Variants in UBE2E2 observed in about 807,000 individuals in gnomAD.
UBE2E2 encodes the protein ubiquitin-conjugating enzyme E2 E2.
Under a neutral mutation model 24.7 loss-of-function variants are expected in UBE2E2, and 6 were observed. That is an observed-to-expected ratio of 0.24 (90% CI 0.13 to 0.48). The LOEUF is 0.48. Ranked by LOEUF, UBE2E2 falls within the 20% of genes least tolerant of loss-of-function variation. The probability of loss-of-function intolerance (pLI) is 0.99; values close to 1 mark genes in which losing one functional copy is unlikely to be tolerated. For missense variants in UBE2E2, 169 were observed against 245.0 expected (o/e 0.69, Z 2.07); for synonymous variants, 104 against 83.6 (o/e 1.24, Z -1.33).
intron 3 of UBE2E2, among the ~76,000 whole-genome samples, chr3:23,354,279 A>C (rs1345981891): frequency 6.6e-6 from 1 of 152,202 alleles, no homozygotes; most frequent in Admixed American, 6.5e-5. Context: ...AAAACCATAA[A>C]AACCCTAGAA....
intron 3 of UBE2E2, among the ~76,000 whole-genome samples, chr3:23,361,477 A>C (rs757209920): frequency 2.0e-5 from 3 of 152,236 alleles, no homozygotes; most frequent in Non-Finnish European, 2.9e-5. Flanking sequence ...GTATATAGAC[A>C]CCATGGACTA....
chr3:23,565,059 A>G (rs181880843), intron 5 of UBE2E2, among the ~76,000 whole-genome samples: 2 of 152,248 alleles, frequency 1.3e-5, no homozygotes, highest in East Asian at 1.9e-4. Flanking sequence ...CTCCTTGTCA[A>G]AAAAGTAAAC....
chr3:23,267,019 A>C (rs1007791324), intron 3 of UBE2E2, among the ~76,000 whole-genome samples: 17 of 152,164 alleles, frequency 1.1e-4, no homozygotes, highest in African/African-American at 3.9e-4. Context: ...GAACAAAGAC[A>C]CAACATACCA....
At chr3:23,271,436 C>T (rs1426735323) in intron 3 of UBE2E2, among the ~76,000 whole-genome samples, 1 of 152,164 alleles carries the variant, frequency 6.6e-6, no homozygotes, top group African/African-American at 2.4e-5. Context: ...AGCCAAAGAA[C>T]AAAGCTTCCA....
At chr3:23,271,349 A>G (rs570545247) in intron 3 of UBE2E2, among the ~76,000 whole-genome samples, 1 of 152,268 alleles carries the variant, frequency 6.6e-6, no homozygotes, top group East Asian at 1.9e-4. Flanking sequence ...GAAGCTACAG[A>G]CCTTCACGGT....
At chr3:23,579,136 T>C (rs1696410770) in intron 5 of UBE2E2, among the ~76,000 whole-genome samples, 1 of 152,144 alleles carries the variant, frequency 6.6e-6, no homozygotes, top group Admixed American at 6.5e-5. Context: ...CTCATGCCTA[T>C]AATCCCAGCA....
At chr3:23,352,247 A>C (rs890688920) in intron 3 of UBE2E2, among the ~76,000 whole-genome samples, 4 of 152,222 alleles carry the variant, frequency 2.6e-5, no homozygotes, top group Non-Finnish European at 5.9e-5. Context: ...TGTAGAGGGA[A>C]ATTTATAGCA....
At chr3:23,360,191 T>C (rs572056882) in intron 3 of UBE2E2, among the ~76,000 whole-genome samples, 2 of 152,184 alleles carry the variant, frequency 1.3e-5, no homozygotes, top group Non-Finnish European at 2.9e-5. Context: ...TGACACGATG[T>C]TCCAAAGTAT....
At chr3:23,504,583 A>G (rs566186785) in intron 4 of UBE2E2, among the ~76,000 whole-genome samples, 1 of 151,838 alleles carries the variant, frequency 6.6e-6, no homozygotes, top group South Asian at 2.1e-4. Context: ...ACTTCCCTAC[A>G]CTCCCCTCAG....
At chr3:23,587,096 T>C (rs1302567814) in intron 5 of UBE2E2, among the ~76,000 whole-genome samples, 1 of 152,206 alleles carries the variant, frequency 6.6e-6, no homozygotes, top group African/African-American at 2.4e-5. Context: ...TGTATAATTT[T>C]ACAGGTGGAA....
intron 3 of UBE2E2, among the ~76,000 whole-genome samples, chr3:23,269,609 C>G (rs188475021): frequency 5.3e-5 from 8 of 152,226 alleles, no homozygotes; most frequent in Admixed American, 3.9e-4. Flanking sequence ...AACTGTCATG[C>G]AAAAGGCCAG....
chr3:23,486,963 C>T (rs569689564), intron 3 of UBE2E2, among the ~76,000 whole-genome samples: 37 of 152,354 alleles, frequency 2.4e-4, no homozygotes, highest in African/African-American at 7.9e-4. Flanking sequence ...GTCCCACCAC[C>T]TCCCACATAG....
At chr3:23,497,041 A>C (rs902199704) in intron 3 of UBE2E2, among the ~76,000 whole-genome samples, 2 of 152,208 alleles carry the variant, frequency 1.3e-5, no homozygotes, top group East Asian at 1.9e-4. Flanking sequence ...AAATATTAAG[A>C]AAGTCATAAG....
chr3:23,578,907 C>T (rs1050821841), intron 5 of UBE2E2, among the ~76,000 whole-genome samples: 2 of 152,108 alleles, frequency 1.3e-5, no homozygotes, highest in Middle Eastern at 3.2e-3. Context: ...GCACATCCTG[C>T]ACATGTACCC....
intron 3 of UBE2E2, among the ~76,000 whole-genome samples, chr3:23,276,829 A>G (rs1698383883): frequency 6.6e-6 from 1 of 151,698 alleles, no homozygotes; most frequent in Non-Finnish European, 1.5e-5. Flanking sequence ...ATTTGAGACT[A>G]TTATATAAAC....
intron 3 of UBE2E2, among the ~76,000 whole-genome samples, chr3:23,422,226 C>T (rs1697819015): frequency 1.3e-5 from 2 of 152,074 alleles, no homozygotes; most frequent in African/African-American, 2.4e-5. Flanking sequence ...TTCTTAGGTA[C>T]TTTAAAGGAG....
At chr3:23,446,626 A>G (rs1042048684) in intron 3 of UBE2E2, among the ~76,000 whole-genome samples, 31 of 151,246 alleles carry the variant, frequency 2.0e-4, no homozygotes, top group African/African-American at 6.1e-4. Context: ...AATTGATACC[A>G]TATCTGGCAT....
At chr3:23,570,459 T>C (rs1430093468) in intron 5 of UBE2E2, among the ~76,000 whole-genome samples, 3 of 152,172 alleles carry the variant, frequency 2.0e-5, no homozygotes, top group African/African-American at 7.2e-5. Flanking sequence ...AGGGGTGGTA[T>C]GTGTATATGT....
At chr3:23,491,173 A>T (rs554814504) in intron 3 of UBE2E2, among the ~76,000 whole-genome samples, 213 of 152,312 alleles carry the variant, frequency 1.4e-3, no homozygotes, top group African/African-American at 4.8e-3. Context: ...TTTAAAAAAA[A>T]ATTAATGAAT....
Sources: allele counts gnomAD v4.1 joint callset (sites outside exome capture counted in the v4.1 genomes callset), GRCh38; gene constraint gnomAD v4.1.1; transcripts MANE v1.5; gene names NCBI Gene and HGNC (gene_info 2026-07-23, HGNC 2026-07-21).